The following ZMIZ1 variants were observed in gnomAD, a reference collection of about 807,000 sequenced individuals.
ZMIZ1 encodes the protein zinc finger MIZ domain-containing protein 1.
A neutral mutation model predicts 113.9 loss-of-function variants in ZMIZ1; 17 were observed. That is an observed-to-expected ratio of 0.15 (90% CI 0.10 to 0.22). The LOEUF (loss-of-function observed/expected upper bound fraction) is 0.22. ZMIZ1 is among the 10% of genes least tolerant of loss of function. The probability of loss-of-function intolerance (pLI) is 1.00; values close to 1 mark genes in which losing one functional copy is unlikely to be tolerated. For synonymous variants in ZMIZ1, 607 were observed against 603.1 expected (o/e 1.01, Z -0.09); for missense variants, 1,059 against 1,477.8 (o/e 0.72, Z 4.65).
At chr10:79,078,980 CACCTTTCCAGGGGA>C (rs1428640713) in intron 1 of ZMIZ1, among the ~76,000 whole-genome samples, 1 of 152,228 alleles carries the variant, frequency 6.6e-6, no homozygotes, top group Admixed American at 6.5e-5. Context: ...ACTGAAGAAC[CACCTTTCCAGGGGA>C]GCCTTTCACA....
chr10:79,228,579 C>T (rs901941759), intron 7 of ZMIZ1, among the ~76,000 whole-genome samples: 1 of 152,382 alleles, frequency 6.6e-6, no homozygotes, highest in South Asian at 2.1e-4. Context: ...GGCCAACAGA[C>T]CCCTGCCCTC....
intron 4 of ZMIZ1, among the ~76,000 whole-genome samples, chr10:79,191,583 G>A (rs941445961): frequency 7.2e-5 from 11 of 152,284 alleles, no homozygotes; most frequent in Non-Finnish European, 1.3e-4. Context: ...AGCACTGGAC[G>A]GGCCTGTGAC....
At chr10:79,142,638 C>T (rs1406988230) in intron 3 of ZMIZ1, among the ~76,000 whole-genome samples, 3 of 152,224 alleles carry the variant, frequency 2.0e-5, no homozygotes, top group African/African-American at 7.2e-5. Context: ...CACCGCCTTC[C>T]TGCCCACACT....
At chr10:79,225,584 A>C (rs1849167966) in intron 7 of ZMIZ1, among the ~76,000 whole-genome samples, 1 of 152,132 alleles carries the variant, frequency 6.6e-6, no homozygotes, top group Admixed American at 6.5e-5. Flanking sequence ...TTTTAATTAA[A>C]AAAAAGGGGA....
rs56903717 is a variant in ZMIZ1 at position 79,240,638 on chromosome 10, C to CTTTTTTTTTTTTTTTTTTT, written c.280+24373_280+24391dup. ...CGTAAATCTAGTGAAGAGTATTTATCTTTTTTTTTTTTTTTTTTTTTTTTT... is the reference window on the plus strand; with the variant it reads ...CGTAAATCTAGTGAAGAGTATTTATCTTTTTTTTTTTTTTTTTTTTTTTTTTTTTTTTTTTTTTTTTTTT... On this transcript the variant is annotated intron_variant, in intron 7 of 24. Transcript: ENST00000334512. Among the ~76,000 whole-genome samples, 62 of 55,322 alleles carry CTTTTTTTTTTTTTTTTTTT rather than the reference C, an allele frequency of 1.1e-3. 10 individuals carry two copies. The highest frequency in any genetic ancestry group is 9.7e-3 in the East Asian group (10 of 1,032). 36.3% of individuals were successfully genotyped at this position (55,322 alleles called of 152,430 possible). A position where few individuals can be genotyped will look rare whatever the true frequency, so the allele number is the denominator to read the frequency against.
chr10:79,204,970 A>AGGATGGAT (rs60981787), intron 5 of ZMIZ1, among the ~76,000 whole-genome samples: 4,776 of 151,068 alleles, frequency 0.032, 201 homozygotes, highest in African/African-American at 0.097. Context: ...TGATTCATTT[A>AGGATGGAT]GGATGGATGG....
chr10:79,310,597 T>C (rs1855070835), intron 23 of ZMIZ1, among the ~76,000 whole-genome samples: 1 of 151,980 alleles, frequency 6.6e-6, no homozygotes, highest in Non-Finnish European at 1.5e-5. Context: ...CTGTTGTTCG[T>C]TGTCTGGGCG....
At position 79,306,308 on chromosome 10, in the gene ZMIZ1, C is replaced by T. The variant is rs768163790; in HGVS notation, c.2632C>T (p.Pro878Ser). 1 of 1,612,732 alleles carries T rather than the reference C, an allele frequency of 6.2e-7. No individual in the cohort carries two copies. The highest frequency in any genetic ancestry group is 8.5e-7 in the Non-Finnish European group (1 of 1,180,000). Reference sequence around the variant, plus strand: ...GTCCCCCTATCCCCTCCCGCCTCCCCCAGGGGGCACCAACTCCAACGACTA... The same window carrying T: ...GTCCCCCTATCCCCTCCCGCCTCCCTCAGGGGGCACCAACTCCAACGACTA... ...GPSPYPLPPP[P>S]GGTNSNDYSS... Residue 878 changes from proline to serine, a missense_variant, in exon 22 of 25, where the codon CCA becomes TCA. Physicochemically the swap from Pro to Ser is moderately conservative, Grantham distance 74 (BLOSUM62 -1). This residue lies in a region of ZMIZ1 where 225 missense variants were observed against 276.0 expected (regional missense o/e 0.82). Coordinates refer to ENST00000334512, the MANE Select transcript of ZMIZ1 (RefSeq NM_020338.4).
chr10:79,080,886 G>A (rs1282027872), intron 1 of ZMIZ1, among the ~76,000 whole-genome samples: 1 of 152,122 alleles, frequency 6.6e-6, no homozygotes, highest in African/African-American at 2.4e-5. Context: ...AGGGGTCTGG[G>A]CAGCTCTGCT....
At chr10:79,288,049 G>A (rs1853203123) in intron 8 of ZMIZ1, among the ~76,000 whole-genome samples, 1 of 152,202 alleles carries the variant, frequency 6.6e-6, no homozygotes, top group African/African-American at 2.4e-5. Context: ...GAAAGCGAGG[G>A]GCTGGCCAGG....
At chr10:79,127,872 G>C (rs1844585258) in intron 2 of ZMIZ1, among the ~76,000 whole-genome samples, 1 of 152,296 alleles carries the variant, frequency 6.6e-6, no homozygotes, top group Non-Finnish European at 1.5e-5. Flanking sequence ...GTGGGAAGGA[G>C]GGCCTCCTCC....
chr10:79,227,346 G>A (rs1301610985), intron 7 of ZMIZ1, among the ~76,000 whole-genome samples: 6 of 152,202 alleles, frequency 3.9e-5, no homozygotes, highest in African/African-American at 1.2e-4. Flanking sequence ...CAGAGAGCCT[G>A]GGTCAGCCCC....
At chr10:79,229,946 C>G (rs1849330317) in intron 7 of ZMIZ1, among the ~76,000 whole-genome samples, 1 of 152,138 alleles carries the variant, frequency 6.6e-6, no homozygotes, top group Non-Finnish European at 1.5e-5. Flanking sequence ...AACAGGGATC[C>G]CCTGTGCTTC....
intron 8 of ZMIZ1, 124 bp downstream of exon 8, chr10:79,277,449 T>C (rs190155824): frequency 4.7e-6 from 6 of 1,282,648 alleles, no homozygotes; most frequent in Middle Eastern, 2.0e-4. Flanking sequence ...TTTTCTAAGG[T>C]GCAGTTGTTT....
intron 6 of ZMIZ1, among the ~76,000 whole-genome samples, chr10:79,212,841 G>A (rs907035650): frequency 2.0e-5 from 3 of 152,036 alleles, no homozygotes; most frequent in Non-Finnish European, 4.4e-5. Context: ...TTGGGTGTAA[G>A]CTATCCTGCC....
At chr10:79,191,887 A>G (rs1847621969) in intron 4 of ZMIZ1, among the ~76,000 whole-genome samples, 1 of 152,202 alleles carries the variant, frequency 6.6e-6, no homozygotes, top group East Asian at 1.9e-4. Flanking sequence ...GGACCAGCAT[A>G]TAGAGTTTTG....
At chr10:79,127,048 G>A (rs537382996) in intron 2 of ZMIZ1, among the ~76,000 whole-genome samples, 2 of 152,322 alleles carry the variant, frequency 1.3e-5, no homozygotes, top group African/African-American at 4.8e-5. Context: ...TGAGAGATGC[G>A]CCTCCCTTCT....
chr10:79,117,217 C>G (rs531999052), intron 1 of ZMIZ1, among the ~76,000 whole-genome samples: 1 of 152,240 alleles, frequency 6.6e-6, no homozygotes, highest in Non-Finnish European at 1.5e-5. Context: ...TCACTCACAC[C>G]GAATCCTATT....
intron 1 of ZMIZ1, among the ~76,000 whole-genome samples, chr10:79,077,584 C>A (rs1251458628): frequency 6.6e-6 from 1 of 152,112 alleles, no homozygotes; most frequent in African/African-American, 2.4e-5. Flanking sequence ...AACAACTTGC[C>A]AAAGGTCTGC....
Sources: gnomAD v4.1 joint callset for allele counts (sites outside exome capture counted in the v4.1 genomes callset) on GRCh38, gnomAD v4.1.1 for gene constraint, gnomAD v4.1.1 regional missense constraint, MANE v1.5 for transcripts, NCBI Gene and HGNC (gene_info 2026-07-23, HGNC 2026-07-21) for gene names.